ITPRID2: variants seen among roughly 807,000 people sequenced by gnomAD.
ITPRID2 encodes ITPR interacting domain containing 2.
Under a neutral mutation model 124.3 loss-of-function variants are expected in ITPRID2, and 60 were observed. That is an observed-to-expected ratio of 0.48 (90% CI 0.39 to 0.60). ITPRID2 has a LOEUF of 0.60. Ranked by LOEUF, ITPRID2 falls within the 20% of genes least tolerant of loss-of-function variation. The probability of loss-of-function intolerance (pLI) is 0.00; values close to 1 mark genes in which losing one functional copy is unlikely to be tolerated. For synonymous variants in ITPRID2, 521 were observed against 542.9 expected, an observed-to-expected ratio of 0.96 and a Z score of 0.56; for missense variants, 1,553 against 1,512.2, an observed-to-expected ratio of 1.03 and a Z score of -0.45.
At position 181,905,066 on chromosome 2, in the gene ITPRID2, T is replaced by C. The variant is rs1028712377; in HGVS notation, c.1413+2600T>C. Among the ~76,000 whole-genome samples, 21 of 151,520 alleles carry C rather than the reference T, an allele frequency of 1.4e-4. No homozygotes were observed. The highest frequency in any genetic ancestry group is 5.1e-4 in the African/African-American group (21 of 41,218). On this transcript the variant is annotated intron_variant, in intron 8 of 17. Coordinates refer to ENST00000431877, the MANE Select transcript of ITPRID2 (RefSeq NM_001130445.3). The surrounding 1 kb of genome is among the most constrained non-coding windows in gnomAD (Gnocchi z 4.1). ...TAACGATGTTTTTTCTTTTTTTTTT[T>C]TTTTTGAGACGGAGTCGCGCATTGT...
In ITPRID2 at chr2:181,920,645, T is replaced by C; in HGVS notation, c.3193T>C (p.Leu1065=). ...SADNLSCPSP[L]NVMEPVTELM... is the part of the protein sequence containing the mutation. ...TGATAACTTGTCATGCCCTTCTCCA[T>C]TGAATGTAATGGAACCAGTAAGCTT... The change falls in exon 15 of 18, where the codon TTG becomes CTG. Residue 1065 remains leucine (L), a synonymous_variant. Coordinates refer to ENST00000431877, the MANE Select transcript of ITPRID2 (RefSeq NM_001130445.3). The C allele has an allele frequency of 1.2e-6, 2 of 1,613,412 alleles. No homozygotes were observed. The highest frequency in any genetic ancestry group is 1.7e-6 in the Non-Finnish European group (2 of 1,179,542).
intron 2 of ITPRID2, chr2:181,894,102 A>G (rs1266424304): frequency 6.6e-6 from 1 of 152,222 alleles, no homozygotes; most frequent in Non-Finnish European, 1.5e-5. Context: ...AAATACATTT[A>G]TAATGTTTTA....
intron 9 of ITPRID2, among the ~76,000 whole-genome samples, chr2:181,912,255 G>C (rs972011182): frequency 6.6e-6 from 1 of 152,138 alleles, no homozygotes; most frequent in African/African-American, 2.4e-5. Flanking sequence ...CCTTCAAAAG[G>C]CTCACAATCT....
rs748951788 is a variant in ITPRID2, at chr2:181,916,272, T to A, written c.2632T>A (p.Cys878Ser). The A allele has an allele frequency of 3.7e-6, 6 of 1,614,068 alleles. No individual in the cohort carries two copies. In the East Asian group the frequency reaches 1.1e-4, roughly 30 times the overall value. Residue 878 changes from cysteine to serine, a missense_variant, in exon 11 of 18, where the codon TGT becomes AGT. Physicochemically the swap from Cys to Ser is moderately radical, Grantham distance 112. Transcript: ENST00000431877. Reference protein sequence around the residue: ...HSVPNISGATCSAFASPFGCP... With the variant: ...HSVPNISGATSSAFASPFGCP... ...TGTTCCCAACATATCAGGGGCTACT[T>A]GTAGTGCCTTCGCTTCCCCTTTCGG... is the stretch of plus-strand genomic sequence containing the variant.
chr2:181,907,517 AAAT>A lies in ITPRID2; in HGVS notation c.1414-2377_1414-2375del, dbSNP rs1486537286. Reference sequence around the variant, plus strand: ...TTCAAACTTACTTGAAGATTAGAGAAAATAATATCATGAACACCCATTACTCAT... The same window carrying A: ...TTCAAACTTACTTGAAGATTAGAGAAAATATCATGAACACCCATTACTCAT... On this transcript the variant is annotated intron_variant, in intron 8 of 17. Coordinates refer to ENST00000431877, the MANE Select transcript of ITPRID2 (RefSeq NM_001130445.3). The surrounding 1 kb of genome is among the most constrained non-coding windows in gnomAD (Gnocchi z 5.1). 3.9e-5 allele frequency among the ~76,000 whole-genome samples: 6 copies of A among 152,066 alleles called. No individual in the cohort carries two copies. The highest frequency in any genetic ancestry group is 8.8e-5 in the Non-Finnish European group (6 of 68,002).
chr2:181,904,403 A>G (rs1692933700), intron 8 of ITPRID2, among the ~76,000 whole-genome samples: 1 of 152,154 alleles, frequency 6.6e-6, no homozygotes, highest in South Asian at 2.1e-4. Flanking sequence ...AAAATAATGT[A>G]TCTTCAGATA....
intron 10 of ITPRID2, 99 bp downstream of exon 10, chr2:181,914,032 T>G: frequency 2.7e-6 from 2 of 738,330 alleles, no homozygotes; most frequent in Non-Finnish European, 4.3e-6. Flanking sequence ...GTATAATCTT[T>G]ATTTTTCAAG....
chr2:181,928,808 A>C (rs1695059722), intron 17 of ITPRID2, among the ~76,000 whole-genome samples: 1 of 151,842 alleles, frequency 6.6e-6, no homozygotes, highest in Non-Finnish European at 1.5e-5. Context: ...TGTATTTTTT[A>C]GTAGAGACGG....
At chr2:181,929,096 A>AT (rs1559027076) in intron 17 of ITPRID2, among the ~76,000 whole-genome samples, 1 of 151,774 alleles carries the variant, frequency 6.6e-6, no homozygotes, top group Non-Finnish European at 1.5e-5. Flanking sequence ...ACATTAAAAA[A>AT]TTTTTTTGTA....
chr2:181,928,731 T>G (rs1695050465), intron 17 of ITPRID2, among the ~76,000 whole-genome samples: 1 of 151,852 alleles, frequency 6.6e-6, no homozygotes, highest in Admixed American at 6.6e-5. Flanking sequence ...GTTCACGCCA[T>G]TCTCCTGCCT....
chr2:181,926,824 A>G (rs182213773), intron 16 of ITPRID2, among the ~76,000 whole-genome samples: 8 of 152,290 alleles, frequency 5.3e-5, no homozygotes, highest in African/African-American at 1.9e-4. Context: ...GACTGGAAAG[A>G]CTATACTCAT....
Position 181,905,238 on chromosome 2 carries a change from A to G in ITPRID2, c.1413+2772A>G, listed in dbSNP as rs927373339. ...CTAATTTTTTGTATTTTTAGTAGAG[A>G]TGGGGTTTCACTACGTTGGCCAGGC... On this transcript the variant is annotated intron_variant, in intron 8 of 17. Coordinates refer to ENST00000431877, the MANE Select transcript of ITPRID2 (RefSeq NM_001130445.3). The surrounding 1 kb of genome is among the most constrained non-coding windows in gnomAD (Gnocchi z 4.1). 1.3e-5 allele frequency among the ~76,000 whole-genome samples: 2 copies of G among 151,808 alleles called. No individual in the cohort carries two copies. The highest frequency in any genetic ancestry group is 2.9e-5 in the Non-Finnish European group (2 of 67,966).
In ITPRID2 at chr2:181,902,258, A is replaced by T. The variant is rs1433278682; in HGVS notation, c.1205A>T (p.His402Leu). Residue 402 changes from histidine to leucine, a missense_variant, in exon 8 of 18, where the codon CAT becomes CTT. Transcript: ENST00000431877. The surrounding 1 kb of genome is among the most constrained non-coding windows in gnomAD (Gnocchi z 4.4). ...GAACAAAGTAAAGAAACTCAAAGTC[A>T]TGAGAGTAAACTGGGTGAGGAATCT... ...ENEQSKETQS[H>L]ESKLGEESGI... 6.2e-7 allele frequency: 1 copy of T among 1,613,346 alleles called. No homozygotes were observed. The highest frequency in any genetic ancestry group is 8.5e-7 in the Non-Finnish European group (1 of 1,179,560).
In ITPRID2 at chr2:181,892,424, G is replaced by T. The variant is rs1028875359; in HGVS notation, c.211+147G>T. On this transcript the variant is annotated intron_variant, in intron 1 of 17. Transcript: ENST00000431877. The surrounding 1 kb of genome is among the most constrained non-coding windows in gnomAD (Gnocchi z 5.2). The stretch of plus-strand genomic sequence containing the variant: ...ACACTTCCGACCTTCAAACGCGCGC[G>T]CTGAACGAGGCGCCCCCAGCGTCAA... The T allele has an allele frequency of 2.6e-5, 30 of 1,136,580 alleles. No individual in the cohort carries two copies. The African/African-American group carries it at 3.9e-4, about 15-fold the overall frequency. 70.4% of individuals were successfully genotyped at this position (1,136,580 alleles called of 1,614,324 possible).
chr2:181,916,628 G>A (rs1227079772), intron 11 of ITPRID2: 4 of 803,788 alleles, frequency 5.0e-6, no homozygotes, highest in African/African-American at 1.7e-5. Flanking sequence ...CCTGATCAAA[G>A]TCGATTTCTC....
intron 7 of ITPRID2, 45 bp downstream of exon 7, chr2:181,900,949 C>A: frequency 7.1e-7 from 1 of 1,407,814 alleles, no homozygotes; most frequent in South Asian, 1.3e-5. Context: ...TAAATTATAG[C>A]ATCTACAGCA....
Position 181,900,701 on chromosome 2 carries a change from C to T in ITPRID2, c.509C>T (p.Ser170Leu). 6.3e-7 allele frequency: 1 copy of T among 1,596,638 alleles called. No individual in the cohort carries two copies. The highest frequency in any genetic ancestry group is 8.5e-7 in the Non-Finnish European group (1 of 1,173,040). ...GKSSGTVSSV[S>L]ELLELYEEDP... is the part of the protein sequence containing the mutation. Reference sequence around the variant, plus strand: ...TTTGCCCCCTTTTTTTGTAGTGTTTCAGAATTGTTGGAACTTTATGAGGAA... The same window carrying T: ...TTTGCCCCCTTTTTTTGTAGTGTTTTAGAATTGTTGGAACTTTATGAGGAA... The change falls in exon 7 of 18, where the codon TCA becomes TTA. Residue 170 changes from serine (S) to leucine (L), a missense_variant. Ser to Leu is a moderately radical substitution (Grantham distance 145). Transcript: ENST00000431877.
intron 9 of ITPRID2, among the ~76,000 whole-genome samples, chr2:181,913,504 T>C (rs1363394722): frequency 6.6e-6 from 1 of 152,272 alleles, no homozygotes; most frequent in Non-Finnish European, 1.5e-5. Flanking sequence ...CTTCTGTTTT[T>C]ATTAGAGCCA....
chr2:181,915,760 A>C lies in ITPRID2; in HGVS notation c.2120A>C (p.Asn707Thr). 4 of 1,614,142 alleles carry C rather than the reference A, an allele frequency of 2.5e-6. No individual in the cohort carries two copies. Among genetic ancestry groups the C allele is most frequent in the East Asian group, 2.2e-5 (1 of 44,874 alleles). Residue 707 changes from asparagine (N) to threonine (T), a missense_variant, in exon 11 of 18, where the codon AAT becomes ACT. By Grantham distance (65) the Asn-to-Thr change is moderately conservative. Coordinates refer to ENST00000431877, the MANE Select transcript of ITPRID2 (RefSeq NM_001130445.3). ...CAAATGAAGGTTTGCAGTCTGTCTAATCAAAGGATGGGGCGTAGCCTGCTA... is the reference window on the plus strand; with the variant it reads ...CAAATGAAGGTTTGCAGTCTGTCTACTCAAAGGATGGGGCGTAGCCTGCTA... ...RAQMKVCSLS[N>T]QRMGRSLLKS...
Sources: gnomAD v4.1 joint callset for allele counts (sites outside exome capture counted in the v4.1 genomes callset) on GRCh38, gnomAD v4.1.1 for gene constraint, Gnocchi (gnomAD v3.1) non-coding constraint, MANE v1.5 for transcripts, NCBI Gene and HGNC (gene_info 2026-07-23, HGNC 2026-07-21) for gene names.